The following SCML2 variants were observed in gnomAD, a reference collection of about 807,000 sequenced individuals.
SCML2 encodes Scm polycomb group protein like 2.
SCML2 carries 6 observed loss-of-function variants against 48.4 expected under a neutral mutation model. The ratio of observed to expected loss-of-function variants is 0.12; its 90% CI spans 0.07 to 0.24. SCML2 has a LOEUF of 0.24. Ranked by LOEUF, SCML2 falls within the 10% of genes least tolerant of loss-of-function variation. The pLI, the probability that SCML2 is intolerant of heterozygous loss-of-function variation, is 1.00. For synonymous variants in SCML2, 181 were observed against 189.5 expected (o/e 0.95, Z 0.37); for missense variants, 377 against 528.2 (o/e 0.71, Z 2.81).
At chrX:18,351,555 G>A (rs1250229671) in intron 1 of SCML2, among the ~76,000 whole-genome samples, 2 of 109,085 alleles carry the variant, frequency 1.8e-5, no homozygotes, top group Admixed American at 9.9e-5. Context: ...ATGACTATGA[G>A]GAGACAGTGA....
At chrX:18,332,801 C>G (rs1929697479) in intron 2 of SCML2, among the ~76,000 whole-genome samples, 1 of 109,309 alleles carries the variant, frequency 9.1e-6, no homozygotes, top group South Asian at 4.0e-4. Flanking sequence ...ACAGCAAGAC[C>G]CAGTCTCCAC....
chrX:18,318,900 C>A (rs1349377816), intron 6 of SCML2, among the ~76,000 whole-genome samples: 1 of 111,862 alleles, frequency 8.9e-6, no homozygotes, highest in African/African-American at 3.3e-5. Flanking sequence ...CACTAACCCC[C>A]AGTACCTCAG....
At chrX:18,271,726 AT>A (rs1049015085) in intron 7 of SCML2, among the ~76,000 whole-genome samples, 2 of 108,769 alleles carry the variant, frequency 1.8e-5, no homozygotes, top group African/African-American at 6.7e-5. Context: ...CTATGTACGA[AT>A]TTTTTTTCCC....
rs192713912 is a variant in SCML2 at position 18,333,707 on chromosome X, T to C, written c.22+343A>G. Among the ~76,000 whole-genome samples, 402 of 112,161 alleles carry C rather than the reference T, an allele frequency of 3.6e-3. 1 individual carries two copies. The highest frequency in any genetic ancestry group is 0.013 in the East Asian group (47 of 3,555). On this transcript the variant is annotated intron_variant, in intron 2 of 14. Transcript: ENST00000251900. ...AAGGAAGATACAACACAAAGCTGAC[T>C]GCAAATGAGTGTGGCATATTCATGG...
intron 6 of SCML2, among the ~76,000 whole-genome samples, chrX:18,316,903 C>T (rs1444995568): frequency 8.9e-6 from 1 of 112,281 alleles, no homozygotes; most frequent in Non-Finnish European, 1.9e-5. Context: ...TAATGATAAA[C>T]GCAATGCGTT....
intron 8 of SCML2, 138 bp from the exon 9 acceptor site, chrX:18,260,429 T>C (rs1033396786): frequency 2.1e-6 from 1 of 474,610 alleles, no homozygotes; most frequent in African/African-American, 2.5e-5. Context: ...GAAACTCCCG[T>C]GTGTGTCATG....
intron 1 of SCML2, 56 bp from the exon 2 acceptor site, chrX:18,334,151 A>G: frequency 3.4e-6 from 3 of 879,516 alleles, no homozygotes; most frequent in Non-Finnish European, 4.9e-6. Flanking sequence ...TTTCTGAAGG[A>G]TAAGAAGTCA....
At chrX:18,262,892 T>A (rs1460239108) in intron 8 of SCML2, among the ~76,000 whole-genome samples, 4 of 107,294 alleles carry the variant, frequency 3.7e-5, no homozygotes, top group Non-Finnish European at 7.6e-5. Context: ...ATTTGTGTAT[T>A]TTGTGTAGAG....
chrX:18,281,950 C>T (rs1207336152), intron 7 of SCML2, among the ~76,000 whole-genome samples: 1 of 109,394 alleles, frequency 9.1e-6, no homozygotes, highest in Non-Finnish European at 1.9e-5. Context: ...ATGGAGAAAC[C>T]CCATCTCTAC....
intron 11 of SCML2, among the ~76,000 whole-genome samples, chrX:18,251,657 T>C (rs1214880885): frequency 2.7e-5 from 3 of 111,619 alleles, no homozygotes; most frequent in East Asian, 2.8e-4. Flanking sequence ...AAAGGAAAAA[T>C]TGAAACTTTC....
At chrX:18,285,571 G>T (rs1928023419) in intron 7 of SCML2, among the ~76,000 whole-genome samples, 1 of 110,010 alleles carries the variant, frequency 9.1e-6, no homozygotes, top group Non-Finnish European at 1.9e-5. Flanking sequence ...GAGGAGGAGA[G>T]GTTGAAAAAT....
chrX:18,250,033 A>G (rs1454444079), intron 11 of SCML2, among the ~76,000 whole-genome samples: 1 of 111,447 alleles, frequency 9.0e-6, no homozygotes, highest in Non-Finnish European at 1.9e-5. Context: ...ACCAGCAACA[A>G]CAACAAACCC....
intron 6 of SCML2, among the ~76,000 whole-genome samples, chrX:18,313,340 C>T (rs190398146): frequency 1.1e-3 from 123 of 110,797 alleles, no homozygotes; most frequent in African/African-American, 3.8e-3. Context: ...GTAGTGAATA[C>T]GTCTCACAAG....
At chrX:18,302,365 C>T (rs181133145) in intron 7 of SCML2, among the ~76,000 whole-genome samples, 21 of 111,162 alleles carry the variant, frequency 1.9e-4, no homozygotes, top group African/African-American at 6.5e-4. Flanking sequence ...CCTACATTTA[C>T]GTATACTTTT....
chrX:18,260,342 A>G (rs376768755), intron 8 of SCML2, 51 bp from the exon 9 acceptor site: 37 of 915,767 alleles, frequency 4.0e-5, no homozygotes, highest in Non-Finnish European at 5.4e-5. Flanking sequence ...TCATTAATAT[A>G]TTCTTAGATA....
At chrX:18,274,820 C>T (rs143738086) in intron 7 of SCML2, among the ~76,000 whole-genome samples, 2,103 of 111,646 alleles carry the variant, frequency 0.019, 60 homozygotes, top group African/African-American at 0.065. Flanking sequence ...AAACAGGGGT[C>T]GGATATGCCT....
chrX:18,329,840 G>A (rs759371427), intron 3 of SCML2, among the ~76,000 whole-genome samples: 1 of 112,439 alleles, frequency 8.9e-6, no homozygotes, highest in African/African-American at 3.2e-5. Context: ...CATTTTGGGA[G>A]GTTGAGGCAA....
At chrX:18,292,433 T>C (rs978916323) in intron 7 of SCML2, among the ~76,000 whole-genome samples, 2 of 111,176 alleles carry the variant, frequency 1.8e-5, no homozygotes, top group Non-Finnish European at 3.8e-5. Flanking sequence ...AAGTAAATTA[T>C]GGAACAGCCA....
intron 1 of SCML2, among the ~76,000 whole-genome samples, chrX:18,351,282 A>C (rs1021086435): frequency 2.7e-5 from 3 of 110,391 alleles, no homozygotes; most frequent in East Asian, 2.8e-4. Flanking sequence ...AAAAAAAAAA[A>C]CATCACCAAC....
Sources: gnomAD v4.1 joint callset for allele counts (sites outside exome capture counted in the v4.1 genomes callset) on GRCh38, gnomAD v4.1.1 for gene constraint, MANE v1.5 for transcripts, NCBI Gene and HGNC (gene_info 2026-07-23, HGNC 2026-07-21) for gene names.